SMC3: variants seen among roughly 807,000 people sequenced by gnomAD.
The protein encoded by SMC3 is structural maintenance of chromosomes 3, also known as structural maintenance of chromosomes protein 3.
A neutral mutation model predicts 171.8 loss-of-function variants in SMC3; 20 were observed. The ratio of observed to expected loss-of-function variants is 0.12; its 90% CI spans 0.08 to 0.17. The LOEUF (loss-of-function observed/expected upper bound fraction) is 0.17. Ranked by LOEUF, SMC3 falls within the 10% of genes least tolerant of loss-of-function variation. The probability of loss-of-function intolerance (pLI) is 1.00; values close to 1 mark genes in which losing one functional copy is unlikely to be tolerated. For synonymous variants in SMC3, 464 were observed against 451.1 expected, an observed-to-expected ratio of 1.03 and a Z score of -0.36; for missense variants, 543 against 1,420.4, an observed-to-expected ratio of 0.38 and a Z score of 9.93.
At chr10:110,592,995 A>T in intron 17 of SMC3, 78 bp from the exon 18 acceptor site, 1 of 1,200,584 alleles carries the variant, frequency 8.3e-7, no homozygotes, top group Non-Finnish European at 1.2e-6. Flanking sequence ...TTTGTATTTC[A>T]TAAAGATGTA....
At chr10:110,586,254 A>G (rs200787704) in intron 13 of SMC3, among the ~76,000 whole-genome samples, 69 of 152,360 alleles carry the variant, frequency 4.5e-4, no homozygotes, top group Admixed American at 9.1e-4. Context: ...AGAAAACACA[A>G]CAGCCTCTGT....
intron 13 of SMC3, among the ~76,000 whole-genome samples, chr10:110,586,971 C>T (rs569255321): frequency 8.5e-5 from 13 of 152,172 alleles, no homozygotes; most frequent in African/African-American, 2.6e-4. Flanking sequence ...TAGGCTTTTG[C>T]CTCTTGGTAT....
At chr10:110,584,486 GTC>G (rs914944062) in intron 13 of SMC3, 90 bp downstream of exon 13, 15 of 876,546 alleles carry the variant, frequency 1.7e-5, no homozygotes, top group Non-Finnish European at 2.8e-5. Context: ...TTTTAAATAA[GTC>G]TACATGTTGC....
intron 22 of SMC3, 150 bp from the exon 23 acceptor site, chr10:110,600,872 C>A: frequency 1.6e-6 from 1 of 623,394 alleles, no homozygotes; most frequent in Non-Finnish European, 2.8e-6. Flanking sequence ...TCTTTTTTTT[C>A]TTCCCTTTAA....
intron 13 of SMC3, among the ~76,000 whole-genome samples, chr10:110,586,493 G>A (rs781483996): frequency 5.3e-5 from 8 of 152,140 alleles, no homozygotes; most frequent in Non-Finnish European, 1.2e-4. Flanking sequence ...CTCAGCAGAT[G>A]CCCTTTTTGA....
chr10:110,574,781 G>A (rs920451624), intron 3 of SMC3, among the ~76,000 whole-genome samples: 1 of 152,198 alleles, frequency 6.6e-6, no homozygotes, highest in African/African-American at 2.4e-5. Context: ...GGGTGGTCCA[G>A]TTAGGTACTC....
chr10:110,571,850 G>A (rs994131701), intron 2 of SMC3, among the ~76,000 whole-genome samples: 4 of 151,754 alleles, frequency 2.6e-5, no homozygotes, highest in African/African-American at 9.7e-5. Flanking sequence ...ATAACTTACT[G>A]GTAATCTGTT....
At chr10:110,599,459 C>G (rs1861353918) in intron 20 of SMC3, among the ~76,000 whole-genome samples, 195 bp from the exon 21 acceptor site, 1 of 118,776 alleles carries the variant, frequency 8.4e-6, no homozygotes, top group African/African-American at 2.9e-5. Flanking sequence ...ATGATCTGCC[C>G]CACCCTGCCC....
chr10:110,590,107 C>A, intron 15 of SMC3, 116 bp downstream of exon 15: 1 of 805,044 alleles, frequency 1.2e-6, no homozygotes, highest in Non-Finnish European at 2.1e-6. Flanking sequence ...AAATAGGAGT[C>A]CAAATTATCT....
intron 25 of SMC3, 82 bp from the exon 26 acceptor site, chr10:110,602,392 A>G (rs1861400967): frequency 2.5e-6 from 3 of 1,178,132 alleles, no homozygotes; most frequent in South Asian, 2.6e-5. Flanking sequence ...TTAAAAAATA[A>G]TTGGTTGCTT....
At position 110,568,976 on chromosome 10, in the gene SMC3, A is replaced by T; in HGVS notation, c.54A>T (p.Thr18=). The change falls in exon 2 of 29, where the codon ACA becomes ACT. Residue 18 remains threonine, a synonymous_variant. Coordinates refer to ENST00000361804, the MANE Select transcript of SMC3 (RefSeq NM_005445.4). ...IQGFRSYRDQ[T]IVDPFSSKHN... is the part of the protein sequence containing the mutation. ...GTTTTCGAAGTTACAGAGATCAAAC[A>T]ATTGTAGATCCCTTCAGTTCAAAAC... 1 of 1,610,392 alleles carries T rather than the reference A, an allele frequency of 6.2e-7. No individual in the cohort carries two copies. The highest frequency in any genetic ancestry group is 2.2e-5 in the East Asian group (1 of 44,786).
Position 110,596,538 on chromosome 10 carries a change from A to G in SMC3, c.2104A>G (p.Arg702Gly), listed in dbSNP as rs1861303115. 6.2e-7 allele frequency: 1 copy of G among 1,614,034 alleles called. No individual in the cohort carries two copies. Among genetic ancestry groups the G allele is most frequent in the Non-Finnish European group, 8.5e-7 (1 of 1,179,932 alleles). ...LEAKLNENLR[R>G]NIERINNEID... ...AGCAAAGCTCAATGAAAACCTGCGC[A>G]GAAATATTGAAAATATCTTTTTGTT... is the stretch of plus-strand genomic sequence containing the variant. Residue 702 changes from arginine (R) to glycine (G), a missense_variant, in exon 19 of 29, where the codon AGA (arginine) becomes GGA (glycine). Arg to Gly is a moderately radical substitution (Grantham distance 125). This residue lies in a region of SMC3 where 218 missense variants were observed against 509.6 expected (regional missense o/e 0.43). Transcript: ENST00000361804.
At chr10:110,584,669 A>T (rs1861082252) in intron 13 of SMC3, among the ~76,000 whole-genome samples, 1 of 152,234 alleles carries the variant, frequency 6.6e-6, no homozygotes, top group East Asian at 1.9e-4. Flanking sequence ...TCTGTCACCC[A>T]ATCTGGAGTG....
At position 110,605,660 on chromosome 10, in the gene SMC3, TAAC is replaced by T. The variant is rs370732810; in HGVS notation, c.*1360_*1362del. On this transcript the variant is annotated 3_prime_UTR_variant, in exon 29 of 29. Coordinates refer to ENST00000361804, the MANE Select transcript of SMC3 (RefSeq NM_005445.4). ...TTATTTATACTTTGTAGCTTTGCTA[TAAC>T]ATAACTGATCTATAATAGAGAATTT... 4.2e-4 allele frequency among the ~76,000 whole-genome samples: 64 copies of T among 152,366 alleles called. No individual in the cohort carries two copies. Among genetic ancestry groups the T allele is most frequent in the African/African-American group, 1.4e-3 (58 of 41,594 alleles).
chr10:110,584,018 G>C, intron 12 of SMC3, 56 bp downstream of exon 12: 1 of 1,598,272 alleles, frequency 6.3e-7, no homozygotes, highest in East Asian at 2.2e-5. Flanking sequence ...GTAAAACTAG[G>C]TTGTCCGAGG....
rs1164280418 is a variant in SMC3 at position 110,606,026 on chromosome 10, A to G, written c.*1724A>G. 1.3e-5 allele frequency among the ~76,000 whole-genome samples: 2 copies of G among 152,238 alleles called. No individual in the cohort carries two copies. Among genetic ancestry groups the G allele is most frequent in the Non-Finnish European group, 2.9e-5 (2 of 68,048 alleles). ...AATGCCAGTAAATTTATAACAATAA[A>G]GCATCTAAATAATGAAACAAAATTT... On this transcript the variant is annotated 3_prime_UTR_variant, in exon 29 of 29. Transcript: ENST00000361804.
chr10:110,591,219 AT>A, intron 17 of SMC3, 87 bp downstream of exon 17: 13 of 1,260,672 alleles, frequency 1.0e-5, no homozygotes, highest in Non-Finnish European at 1.3e-5. Flanking sequence ...CCCAGGCACT[AT>A]ACACTGGGAT....
intron 17 of SMC3, among the ~76,000 whole-genome samples, chr10:110,592,225 A>C (rs1425106848): frequency 6.6e-6 from 1 of 151,306 alleles, no homozygotes; most frequent in Non-Finnish European, 1.5e-5. Context: ...AGATCATGCC[A>C]CTGTACTTCA....
intron 13 of SMC3, among the ~76,000 whole-genome samples, chr10:110,587,370 AG>A (rs1861137405): frequency 6.6e-6 from 1 of 152,200 alleles, no homozygotes; most frequent in Non-Finnish European, 1.5e-5. Context: ...AAAAAAACAA[AG>A]TATGTAGGAC....
Sources: allele counts gnomAD v4.1 joint callset (sites outside exome capture counted in the v4.1 genomes callset), GRCh38; gene constraint gnomAD v4.1.1; regional missense constraint gnomAD v4.1.1; transcripts MANE v1.5; gene names NCBI Gene and HGNC (gene_info 2026-07-23, HGNC 2026-07-21).